The following CEP57L1 variants were observed in gnomAD, a reference collection of about 807,000 sequenced individuals.
CEP57L1 encodes the protein centrosomal protein 57 like 1.
CEP57L1 carries 37 observed loss-of-function variants against 61.0 expected under a neutral mutation model. That is an observed-to-expected ratio of 0.61 (90% confidence interval 0.47 to 0.80). The LOEUF is 0.80. CEP57L1 is among the 30% of genes least tolerant of loss of function. The pLI, the probability that CEP57L1 is intolerant of heterozygous loss-of-function variation, is 0.00. For missense variants in CEP57L1, 422 were observed against 524.7 expected (o/e 0.80, Z 1.91); for synonymous variants, 137 against 162.3 (o/e 0.84, Z 1.19).
At chr6:109,146,983 A>G in intron 3 of CEP57L1, 46 bp downstream of exon 3, 1 of 1,503,992 alleles carries the variant, frequency 6.6e-7, no homozygotes, top group Non-Finnish European at 9.0e-7. Context: ...ACTGGAGTTT[A>G]CAGTTCAAAA....
chr6:109,148,734 A>G (rs891622200), intron 3 of CEP57L1, among the ~76,000 whole-genome samples: 3 of 152,266 alleles, frequency 2.0e-5, no homozygotes, highest in Non-Finnish European at 4.4e-5. Flanking sequence ...CAGTCCCACC[A>G]ACAATGTAAA....
At chr6:109,108,337 T>A (rs1771181478) in intron 1 of CEP57L1, among the ~76,000 whole-genome samples, 2 of 151,730 alleles carry the variant, frequency 1.3e-5, no homozygotes, top group Non-Finnish European at 2.9e-5. Flanking sequence ...GCCTCCAGTG[T>A]TCAAGTGATT....
In CEP57L1 at chr6:109,159,354, C is replaced by A. The variant is rs760646930; in HGVS notation, c.908C>A (p.Thr303Asn). ...TGTCTCCCCAAGCCTTCTAGAACAACTTCCTGGTGTAAAGCTATTCCTCCT... is the reference window on the plus strand; with the variant it reads ...TGTCTCCCCAAGCCTTCTAGAACAAATTCCTGGTGTAAAGCTATTCCTCCT... The part of the protein sequence containing the change: ...TRCLPKPSRT[T>N]SWCKAIPPDS... The change falls in exon 9 of 11, where the codon ACT becomes AAT. Residue 303 changes from threonine to asparagine, a missense_variant. Thr to Asn is a moderately conservative substitution (Grantham distance 65). Transcript: ENST00000517392. The A allele has an allele frequency of 6.2e-7, 1 of 1,614,102 alleles. No individual in the cohort carries two copies. Among genetic ancestry groups the A allele is most frequent in the Non-Finnish European group, 8.5e-7 (1 of 1,179,976 alleles).
intron 1 of CEP57L1, among the ~76,000 whole-genome samples, chr6:109,132,694 T>A (rs188432326): frequency 3.3e-5 from 5 of 152,212 alleles, no homozygotes; most frequent in Non-Finnish European, 7.3e-5. Flanking sequence ...AATACTAAAT[T>A]GTTTTAAAAT....
At position 109,144,304 on chromosome 6, in the gene CEP57L1, A is replaced by G. The variant is rs975666166; in HGVS notation, c.-3-915A>G. 1.4e-4 allele frequency among the ~76,000 whole-genome samples: 21 copies of G among 152,106 alleles called. No homozygotes were observed. In the East Asian group the frequency reaches 4.0e-3, roughly 29 times the overall value. ...GAGGTGGTGAAATCATGGAAAATGT[A>G]CAACTCTCAAAAATCAAAATAGGCT... is the stretch of plus-strand genomic sequence containing the variant. On this transcript the variant is annotated intron_variant, in intron 1 of 10. Coordinates refer to ENST00000517392, the MANE Select transcript of CEP57L1 (RefSeq NM_001271852.3).
At chr6:109,142,833 T>G (rs1771531601) in intron 1 of CEP57L1, among the ~76,000 whole-genome samples, 1 of 152,130 alleles carries the variant, frequency 6.6e-6, no homozygotes, top group African/African-American at 2.4e-5. Flanking sequence ...TTTTCAGAAA[T>G]TTTTCCCTAG....
At chr6:109,157,427 A>G (rs557916743) in intron 7 of CEP57L1, 12 of 152,364 alleles carry the variant, frequency 7.9e-5, no homozygotes, top group Non-Finnish European at 1.6e-4. Flanking sequence ...AGATAAATAT[A>G]TAAGTATAAA....
chr6:109,116,532 A>T (rs886998384), intron 1 of CEP57L1, among the ~76,000 whole-genome samples: 5 of 152,166 alleles, frequency 3.3e-5, no homozygotes, highest in Non-Finnish European at 7.3e-5. Context: ...ATTGATATAT[A>T]TGTTACTTTA....
intron 1 of CEP57L1, among the ~76,000 whole-genome samples, chr6:109,096,352 C>T (rs1781707278): frequency 6.6e-6 from 1 of 152,074 alleles, no homozygotes; most frequent in African/African-American, 2.4e-5. Flanking sequence ...GTTAGACATA[C>T]GGTTACAATA....
At chr6:109,143,938 T>TCCAC (rs1217468803) in intron 1 of CEP57L1, among the ~76,000 whole-genome samples, 1 of 152,114 alleles carries the variant, frequency 6.6e-6, no homozygotes, top group Non-Finnish European at 1.5e-5. Context: ...GGGCCTTACC[T>TCCAC]CCACTTTATA....
In CEP57L1 at chr6:109,122,658, C is replaced by T. The variant is rs1349374761; in HGVS notation, c.-3-22561C>T. 3.9e-5 allele frequency among the ~76,000 whole-genome samples: 6 copies of T among 151,956 alleles called. No homozygotes were observed. The South Asian group carries it at 1.0e-3, about 26-fold the overall frequency. On this transcript the variant is annotated intron_variant, in intron 1 of 10. Transcript: ENST00000517392. The stretch of plus-strand genomic sequence containing the variant: ...TCTACTAAAGATACAAAAAATTAGC[C>T]GGGCATGGTGGTGCACACCTGTAAC...
rs992903836 is a variant in CEP57L1 at position 109,144,825 on chromosome 6, G to A, written c.-3-394G>A. Among the ~76,000 whole-genome samples, 4 of 152,164 alleles carry A rather than the reference G, an allele frequency of 2.6e-5. No individual in the cohort carries two copies. In the South Asian group the frequency reaches 8.3e-4, roughly 32 times the overall value. On this transcript the variant is annotated intron_variant, in intron 1 of 10. Coordinates refer to ENST00000517392, the MANE Select transcript of CEP57L1 (RefSeq NM_001271852.3). ...GAGAATCAGTGTATATTGTTGGTTT[G>A]TGTTTAAAAGCTCAGTTATCTTTTA...
Position 109,173,424 on chromosome 6 carries a change from CTTT to C in CEP57L1, c.*10468_*10470del, listed in dbSNP as rs113248477. Among the ~76,000 whole-genome samples the C allele has an allele frequency of 2.2e-5, 3 of 133,672 alleles. No individual in the cohort carries two copies. Among genetic ancestry groups the C allele is most frequent in the Admixed American group, 7.6e-5 (1 of 13,092 alleles). 87.7% of individuals were successfully genotyped at this position (133,672 alleles called of 152,430 possible). ...CCCCCTCAGCCCGCCCCCTACCTTT[CTTT>C]TTTTTTTTTTTTTCTTTTCAGGGTC... On this transcript the variant is annotated 3_prime_UTR_variant, in exon 11 of 11. Transcript: ENST00000517392.
rs1562100634 is a variant in CEP57L1 at position 109,136,746 on chromosome 6, TTTTATTTTATTTTA to T, written c.-3-8464_-3-8451del. Among the ~76,000 whole-genome samples, 402 of 145,290 alleles carry T rather than the reference TTTTATTTTATTTTA, an allele frequency of 2.8e-3. 9 individuals carry two copies. The highest frequency in any genetic ancestry group is 0.01 in the African/African-American group (389 of 37,350). On this transcript the variant is annotated intron_variant, in intron 1 of 10. Coordinates refer to ENST00000517392, the MANE Select transcript of CEP57L1 (RefSeq NM_001271852.3). ...TTTTATTTTATTTTATTTTATTTTA[TTTTATTTTATTTTA>T]TTTATTTTTTTGAGAGAGAGTCTTT...
intron 1 of CEP57L1, among the ~76,000 whole-genome samples, chr6:109,133,842 C>A (rs185454232): frequency 1.4e-4 from 21 of 152,290 alleles, no homozygotes; most frequent in South Asian, 4.1e-4. Flanking sequence ...GACACATACA[C>A]CCTCCCAAGA....
At chr6:109,114,555 T>C (rs1772059069) in intron 1 of CEP57L1, among the ~76,000 whole-genome samples, 1 of 151,276 alleles carries the variant, frequency 6.6e-6, no homozygotes, top group East Asian at 1.9e-4. Context: ...CTAGAGGACA[T>C]CATATTAAGG....
In CEP57L1 at chr6:109,127,090, C is replaced by T. The variant is rs368733995; in HGVS notation, c.-3-18129C>T. 4.0e-3 allele frequency among the ~76,000 whole-genome samples: 611 copies of T among 152,116 alleles called. 3 individuals carry two copies. Among genetic ancestry groups the T allele is most frequent in the South Asian group, 0.012 (57 of 4,814 alleles). On this transcript the variant is annotated intron_variant, in intron 1 of 10. Transcript: ENST00000517392. Reference sequence around the variant, plus strand: ...CTGGGGCAAGAGAATTGCTTGAACCCGGGAGATGGAGGTTGCAGTGAGCCG... The same window carrying T: ...CTGGGGCAAGAGAATTGCTTGAACCTGGGAGATGGAGGTTGCAGTGAGCCG...
chr6:109,134,429 A>G (rs943435763), intron 1 of CEP57L1, among the ~76,000 whole-genome samples: 12 of 152,200 alleles, frequency 7.9e-5, no homozygotes, highest in African/African-American at 2.7e-4. Context: ...AATAAGAGCT[A>G]TTTATGACAG....
intron 1 of CEP57L1, among the ~76,000 whole-genome samples, chr6:109,127,144 G>A (rs545897549): frequency 9.2e-5 from 14 of 152,158 alleles, no homozygotes; most frequent in Admixed American, 6.5e-4. Context: ...CCAGCCTGGC[G>A]ACAGAGCGAA....
Sources: allele counts gnomAD v4.1 joint callset (sites outside exome capture counted in the v4.1 genomes callset), GRCh38; gene constraint gnomAD v4.1.1; transcripts MANE v1.5; gene names NCBI Gene and HGNC (gene_info 2026-07-23, HGNC 2026-07-21).